COBLL1: variants seen among roughly 807,000 people sequenced by gnomAD.
COBLL1 encodes cordon-bleu protein-like 1.
A neutral mutation model predicts 94.8 loss-of-function variants in COBLL1; 50 were observed. The observed-to-expected ratio is 0.53, with a 90% CI of 0.42 to 0.67. The LOEUF is 0.67. COBLL1 is among the 30% of genes least tolerant of loss of function. COBLL1 has a pLI of 0.00. For synonymous variants in COBLL1, 448 were observed against 473.8 expected (o/e 0.95, Z 0.71); for missense variants, 1,362 against 1,348.7 (o/e 1.01, Z -0.15).
intron 2 of COBLL1, among the ~76,000 whole-genome samples, chr2:164,759,187 G>A (rs1008186113): frequency 6.6e-6 from 1 of 151,996 alleles, no homozygotes; most frequent in Non-Finnish European, 1.5e-5. Flanking sequence ...ATTAAACATC[G>A]TTGAGTTATC....
At chr2:164,752,066 A>G (rs1687153110) in intron 2 of COBLL1, among the ~76,000 whole-genome samples, 1 of 152,222 alleles carries the variant, frequency 6.6e-6, no homozygotes, top group African/African-American at 2.4e-5. Context: ...ATTCACATCA[A>G]AGAAGCACAT....
chr2:164,677,095 C>T (rs924664075), downstream of COBLL1, among the ~76,000 whole-genome samples: 3 of 152,080 alleles, frequency 2.0e-5, no homozygotes, highest in Non-Finnish European at 4.4e-5. Flanking sequence ...TTTTAAAAAA[C>T]TCTTAGCAAA....
chr2:164,746,549 A>C (rs947109858), intron 2 of COBLL1, among the ~76,000 whole-genome samples: 4 of 152,096 alleles, frequency 2.6e-5, no homozygotes, highest in Non-Finnish European at 4.4e-5. Flanking sequence ...TGAAAATATC[A>C]GTCAAAATGT....
At chr2:164,674,805 G>A (rs902772010) in intron 1 of COBLL1, among the ~76,000 whole-genome samples, 2 of 152,162 alleles carry the variant, frequency 1.3e-5, no homozygotes, top group Admixed American at 6.6e-5. Flanking sequence ...ACATTCATGC[G>A]TAATTTTCTT....
chr2:164,722,664 T>C, intron 5 of COBLL1, 142 bp from the exon 6 acceptor site: 1 of 429,480 alleles, frequency 2.3e-6, no homozygotes, highest in Non-Finnish European at 4.2e-6. Context: ...ACCTTAAATC[T>C]TATTAAGTTC....
At chr2:164,833,186 T>G (rs1462035073) in intron 2 of COBLL1, among the ~76,000 whole-genome samples, 1 of 150,970 alleles carries the variant, frequency 6.6e-6, no homozygotes, top group Non-Finnish European at 1.5e-5. Flanking sequence ...GGACAACATC[T>G]CTCCAAAAAG....
At chr2:164,706,705 C>T (rs1034043884) in intron 7 of COBLL1, among the ~76,000 whole-genome samples, 2 of 152,088 alleles carry the variant, frequency 1.3e-5, no homozygotes, top group Admixed American at 1.3e-4. Context: ...TTTCCCTTCC[C>T]TTAGAAGACA....
At chr2:164,755,130 A>C (rs1687332033) in intron 2 of COBLL1, among the ~76,000 whole-genome samples, 1 of 152,176 alleles carries the variant, frequency 6.6e-6, no homozygotes, top group Admixed American at 6.5e-5. Flanking sequence ...GTGCCACTGC[A>C]CTCCAGCCTA....
At chr2:164,719,986 G>A (rs1270882866) in intron 7 of COBLL1, among the ~76,000 whole-genome samples, 1 of 151,976 alleles carries the variant, frequency 6.6e-6, no homozygotes, top group East Asian at 1.9e-4. Context: ...CAAGACCAAG[G>A]AAGAAAAAGA....
chr2:164,715,912 G>T (rs1395923860), intron 7 of COBLL1, among the ~76,000 whole-genome samples: 1 of 152,076 alleles, frequency 6.6e-6, no homozygotes, highest in Non-Finnish European at 1.5e-5. Flanking sequence ...GATTGCTGTT[G>T]TATATCCATC....
At chr2:164,664,174 A>G (rs1431069458) in intron 2 of COBLL1, among the ~76,000 whole-genome samples, 1 of 152,194 alleles carries the variant, frequency 6.6e-6, no homozygotes, top group African/African-American at 2.4e-5. Context: ...ATGAAGTCCT[A>G]TGTATTTGCA....
At chr2:164,775,672 T>A (rs533819107) in intron 2 of COBLL1, among the ~76,000 whole-genome samples, 1 of 152,126 alleles carries the variant, frequency 6.6e-6, no homozygotes, top group African/African-American at 2.4e-5. Context: ...CATGTTGGCC[T>A]CGAACTCCTG....
At chr2:164,699,303 G>C in intron 11 of COBLL1, 102 bp downstream of exon 11, 1 of 778,560 alleles carries the variant, frequency 1.3e-6, no homozygotes, top group Admixed American at 1.8e-5. Context: ...TATTAAGTGA[G>C]TTACAGGAGA....
chr2:164,761,067 T>A (rs560424565), intron 2 of COBLL1, among the ~76,000 whole-genome samples: 1 of 152,096 alleles, frequency 6.6e-6, no homozygotes, highest in African/African-American at 2.4e-5. Context: ...CAAGAAGCTG[T>A]CACAGATACA....
At chr2:164,806,978 T>A (rs371335201) in intron 2 of COBLL1, among the ~76,000 whole-genome samples, 17 of 152,246 alleles carry the variant, frequency 1.1e-4, no homozygotes, top group African/African-American at 4.1e-4. Context: ...AGTGCTGGGA[T>A]TATAGCGTGA....
chr2:164,720,933 A>C (rs1685412338), intron 7 of COBLL1, among the ~76,000 whole-genome samples: 1 of 152,256 alleles, frequency 6.6e-6, no homozygotes. Context: ...AGATTTTATA[A>C]GATGAGATTT....
At position 164,704,845 on chromosome 2, in the gene COBLL1, G is replaced by A. The variant is rs1001131361; in HGVS notation, c.1150+107C>T. ...AGACTAATCAAGATGTATTTAAAAA[G>A]CCTAAGTATTATTTAAAAAGCATAA... On this transcript the variant is annotated intron_variant, in intron 8 of 13. Transcript: ENST00000652658. The A allele has an allele frequency of 1.2e-5, 14 of 1,167,626 alleles. No individual in the cohort carries two copies. In the Admixed American group the frequency reaches 1.6e-4, roughly 13 times the overall value. The allele number at this position is 1,167,626 out of a possible 1,614,324, so 72.3% of individuals were successfully genotyped here.
At chr2:164,835,725 A>AT (rs1683290113) in intron 2 of COBLL1, among the ~76,000 whole-genome samples, 1 of 152,190 alleles carries the variant, frequency 6.6e-6, no homozygotes, top group African/African-American at 2.4e-5. Context: ...CTTTCAGGAC[A>AT]TAGTTTGCTG....
intron 7 of COBLL1, among the ~76,000 whole-genome samples, chr2:164,713,093 T>C (rs998293475): frequency 6.6e-6 from 1 of 152,158 alleles, no homozygotes; most frequent in Admixed American, 6.5e-5. Flanking sequence ...TGTATCTCCC[T>C]GTGCTACATC....
Sources: allele counts gnomAD v4.1 joint callset (sites outside exome capture counted in the v4.1 genomes callset), GRCh38; gene constraint gnomAD v4.1.1; transcripts MANE v1.5; gene names NCBI Gene and HGNC (gene_info 2026-07-23, HGNC 2026-07-21).